The following NDUFAF5 variants were observed in gnomAD, a reference collection of about 807,000 sequenced individuals.
The protein encoded by NDUFAF5 is arginine-hydroxylase NDUFAF5, mitochondrial.
In NDUFAF5, 34 loss-of-function variants were observed where a neutral mutation model predicts 48.9. The observed-to-expected ratio is 0.70, with a 90% CI of 0.53 to 0.93. The LOEUF (loss-of-function observed/expected upper bound fraction) is 0.93, where lower values mean the gene tolerates loss of function less well. Ranked by LOEUF, NDUFAF5 falls within the 40% of genes least tolerant of loss-of-function variation. The probability of loss-of-function intolerance (pLI) is 0.00; values close to 1 mark genes in which losing one functional copy is unlikely to be tolerated. For synonymous variants in NDUFAF5, 153 were observed against 150.6 expected, an observed-to-expected ratio of 1.02 and a Z score of -0.12; for missense variants, 428 against 427.5, an observed-to-expected ratio of 1.00 and a Z score of -0.01.
chr20:13,807,047 A>ATTT (rs11474866), intron 7 of NDUFAF5, among the ~76,000 whole-genome samples: 1 of 134,530 alleles, frequency 7.4e-6, no homozygotes, highest in Non-Finnish European at 1.6e-5. Context: ...ACACCCAGCA[A>ATTT]TTTTTTTTTT....
chr20:13,816,346 T>G, intron 8 of NDUFAF5, 117 bp from the exon 9 acceptor site: 1 of 773,582 alleles, frequency 1.3e-6, no homozygotes, highest in Middle Eastern at 2.3e-4. Flanking sequence ...TAGGTTTACA[T>G]GACCCTTAGA....
intron 5 of NDUFAF5, among the ~76,000 whole-genome samples, chr20:13,796,754 A>C (rs1983290206): frequency 6.6e-6 from 1 of 152,198 alleles, no homozygotes; most frequent in Non-Finnish European, 1.5e-5. Context: ...CGAGGCAGGC[A>C]GATCACTTGA....
At position 13,818,046 on chromosome 20, in the gene NDUFAF5, TAACCTGGGCACTGC is replaced by T. The variant is rs71334159; in HGVS notation, c.*837_*850del. 87,029 of 453,890 alleles carry T rather than the reference TAACCTGGGCACTGC, an allele frequency of 0.19. 9,653 individuals carry two copies. Among genetic ancestry groups the T allele is most frequent in the Non-Finnish European group, 0.24 (54,336 of 226,700 alleles). 28.1% of individuals were successfully genotyped at this position (453,890 alleles called of 1,614,324 possible). ...TTAGCTGTTCGCTGTCTTTTCCATT[TAACCTGGGCACTGC>T]CCTAGCCTCATCTTCAGCCTTCAGT... is the stretch of plus-strand genomic sequence containing the variant. On this transcript the variant is annotated 3_prime_UTR_variant, in exon 11 of 11. Coordinates refer to ENST00000378106, the MANE Select transcript of NDUFAF5 (RefSeq NM_024120.5).
intron 5 of NDUFAF5, 66 bp downstream of exon 5, chr20:13,795,007 A>T: frequency 1.7e-6 from 2 of 1,173,392 alleles, no homozygotes; most frequent in South Asian, 2.5e-5. Context: ...AAGTTTTGCT[A>T]TGAGGCCAGG....
intron 7 of NDUFAF5, among the ~76,000 whole-genome samples, chr20:13,805,457 T>C (rs941026857): frequency 6.6e-6 from 1 of 152,226 alleles, no homozygotes; most frequent in Non-Finnish European, 1.5e-5. Flanking sequence ...ATACTATCCA[T>C]ATTCTCTAAA....
intron 6 of NDUFAF5, among the ~76,000 whole-genome samples, chr20:13,800,297 G>A (rs972082090): frequency 2.0e-5 from 3 of 152,326 alleles, no homozygotes; most frequent in South Asian, 2.1e-4. Flanking sequence ...TAAAGGTGAA[G>A]AAGGGAAGGA....
chr20:13,789,319 T>C (rs1241555310), intron 3 of NDUFAF5, among the ~76,000 whole-genome samples: 1 of 151,664 alleles, frequency 6.6e-6, no homozygotes, highest in Non-Finnish European at 1.5e-5. Flanking sequence ...GGTGCACCAC[T>C]ATGCCCTGCT....
chr20:13,814,050 G>C (rs1299109006), intron 8 of NDUFAF5: 10 of 218,632 alleles, frequency 4.6e-5, no homozygotes, highest in Non-Finnish European at 8.4e-5. Flanking sequence ...GAGCTAACAT[G>C]GTTAATCTGT....
rs368184010 is a variant in NDUFAF5 at position 13,817,232 on chromosome 20, C to T, written c.*22C>T. 9 of 1,557,426 alleles carry T rather than the reference C, an allele frequency of 5.8e-6. No individual in the cohort carries two copies. The highest frequency in any genetic ancestry group is 3.3e-5 in the South Asian group (3 of 89,924). On this transcript the variant is annotated 3_prime_UTR_variant, in exon 11 of 11. Transcript: ENST00000378106. ...ATAAATATTTATTCAGTGTTAATGT[C>T]GTCCAGAATTTTCATCAGAAATGGA...
At chr20:13,786,317 C>T (rs1378019340) in intron 1 of NDUFAF5, among the ~76,000 whole-genome samples, 2 of 152,122 alleles carry the variant, frequency 1.3e-5, no homozygotes, top group Non-Finnish European at 2.9e-5. Flanking sequence ...AGGAAGTTTA[C>T]TACCAATAAA....
At position 13,801,548 on chromosome 20, in the gene NDUFAF5, CTA is replaced by C; in HGVS notation, c.584_585del (p.Tyr195Ter). The C allele has an allele frequency of 6.2e-7, 1 of 1,613,992 alleles. No individual in the cohort carries two copies. The highest frequency in any genetic ancestry group is 8.5e-7 in the Non-Finnish European group (1 of 1,179,934). ...IGAMFGGDTLYELRCSLQLAE... is the reference protein window; with the variant it reads ...IGAMFGGDTLXELRCSLQLAE... ...GTGCAATGTTTGGAGGCGACACACT[CTA>C]TGAACTTCGGTGTTCCTTACAGTTA... is the stretch of plus-strand genomic sequence containing the variant. On this transcript the variant is annotated frameshift_variant, in exon 7 of 11. Transcript: ENST00000378106. LOFTEE classifies it high-confidence loss of function.
chr20:13,789,756 G>T (rs1018142751), intron 3 of NDUFAF5, among the ~76,000 whole-genome samples: 1 of 152,192 alleles, frequency 6.6e-6, no homozygotes. Flanking sequence ...GATTACAGGC[G>T]TGAGCCACCA....
At chr20:13,804,446 T>A (rs1322123269) in intron 7 of NDUFAF5, among the ~76,000 whole-genome samples, 1 of 152,056 alleles carries the variant, frequency 6.6e-6, no homozygotes, top group African/African-American at 2.4e-5. Context: ...TAACAAGGAC[T>A]ACTTTATATA....
chr20:13,796,419 G>A (rs527739118), intron 5 of NDUFAF5, among the ~76,000 whole-genome samples: 8 of 152,252 alleles, frequency 5.3e-5, no homozygotes, highest in African/African-American at 1.9e-4. Flanking sequence ...GACTAATTCT[G>A]TTGCTTTCTG....
At chr20:13,794,966 C>A (rs1568755331) in intron 5 of NDUFAF5, 25 bp downstream of exon 5, 1 of 1,461,530 alleles carries the variant, frequency 6.8e-7, no homozygotes, top group Non-Finnish European at 9.6e-7. Flanking sequence ...TTTTAAAAAC[C>A]ATATGTTATA....
chr20:13,803,290 G>C (rs1984496648), intron 7 of NDUFAF5: 1 of 152,106 alleles, frequency 6.6e-6, no homozygotes, highest in Admixed American at 6.5e-5. Flanking sequence ...TTGATCTTTT[G>C]TTAACTTTTA....
At chr20:13,816,812 TA>T (rs1986518103) in intron 9 of NDUFAF5, 62 bp from the exon 10 acceptor site, 1 of 1,072,138 alleles carries the variant, frequency 9.3e-7, no homozygotes, top group Non-Finnish European at 1.5e-6. Context: ...ACATGACCTT[TA>T]TTGAGCAGAA....
intron 2 of NDUFAF5, 97 bp from the exon 3 acceptor site, chr20:13,788,492 G>A: frequency 1.1e-6 from 1 of 919,182 alleles, no homozygotes; most frequent in Non-Finnish European, 1.8e-6. Flanking sequence ...CCTTCTGGAA[G>A]TTGTGTTTAC....
At chr20:13,798,381 G>A in intron 5 of NDUFAF5, 80 bp from the exon 6 acceptor site, 1 of 1,004,596 alleles carries the variant, frequency 1.0e-6, no homozygotes, top group Middle Eastern at 2.1e-4. Flanking sequence ...CCTTTTTATG[G>A]GTTATCATTA....
Sources: gnomAD v4.1 joint callset for allele counts (sites outside exome capture counted in the v4.1 genomes callset) on GRCh38, gnomAD v4.1.1 for gene constraint, MANE v1.5 for transcripts, NCBI Gene and HGNC (gene_info 2026-07-23, HGNC 2026-07-21) for gene names.